The following MALRD1 variants were observed in gnomAD, a reference collection of about 807,000 sequenced individuals.
MALRD1 encodes the protein MAM and LDL-receptor class A domain-containing protein 1.
In MALRD1, 247 loss-of-function variants were observed where a neutral mutation model predicts 242.1. The observed-to-expected ratio is 1.02, with a 90% CI of 0.92 to 1.13. MALRD1 has a LOEUF of 1.13. MALRD1 is among the 50% of genes most tolerant of loss of function. MALRD1 has a pLI of 0.00. For missense variants in MALRD1, 2,989 were observed against 2,533.1 expected, an observed-to-expected ratio of 1.18 and a Z score of -3.86; for synonymous variants, 995 against 866.6, an observed-to-expected ratio of 1.15 and a Z score of -2.60.
chr10:19,237,823 A>C (rs1333528248), intron 18 of MALRD1, among the ~76,000 whole-genome samples: 3 of 117,322 alleles, frequency 2.6e-5, no homozygotes, highest in Non-Finnish European at 4.9e-5. Context: ...AGAATTTTAT[A>C]TGTAATTATA....
intron 32 of MALRD1, among the ~76,000 whole-genome samples, chr10:19,566,298 ATTTTTTTTT>A (rs10548629): frequency 1.1e-4 from 12 of 111,038 alleles, no homozygotes; most frequent in African/African-American, 2.3e-4. Context: ...TGCCTGGCTA[ATTTTTTTTT>A]TTTTTTTTTT....
In MALRD1 at chr10:19,254,031, TCTC is replaced by T. The variant is rs1320783093; in HGVS notation, c.2992-3650_2992-3648del. Among the ~76,000 whole-genome samples, 4 of 152,082 alleles carry T rather than the reference TCTC, an allele frequency of 2.6e-5. 1 individual carries two copies. The South Asian group carries it at 6.2e-4, about 24-fold the overall frequency. ...CCATGTGAAGAAGGACATGTTATCTTCTCCTTCTGCCACAATTGTAAGTTTCTT... is the reference window on the plus strand; with the variant it reads ...CCATGTGAAGAAGGACATGTTATCTTCTTCTGCCACAATTGTAAGTTTCTT... On this transcript the variant is annotated intron_variant, in intron 18 of 39. Transcript: ENST00000454679.
At chr10:19,535,086 A>G (rs1834602101) in intron 32 of MALRD1, among the ~76,000 whole-genome samples, 1 of 152,038 alleles carries the variant, frequency 6.6e-6, no homozygotes, top group Non-Finnish European at 1.5e-5. Context: ...GCGTTTCACC[A>G]TGTTGGCCAG....
At chr10:19,638,101 C>CAAAAAAAAAAA (rs56865342) in intron 36 of MALRD1, among the ~76,000 whole-genome samples, 15 of 41,922 alleles carry the variant, frequency 3.6e-4, no homozygotes, top group Admixed American at 1.1e-3. Flanking sequence ...AACTCACTCT[C>CAAAAAAAAAAA]AAAAAAAAAA....
chr10:19,048,541 G>A (rs1834395617), upstream of MALRD1, among the ~76,000 whole-genome samples: 1 of 152,210 alleles, frequency 6.6e-6, no homozygotes, highest in Non-Finnish European at 1.5e-5. Context: ...TAGGAATTAA[G>A]ACAGACCATT....
At chr10:19,609,978 G>C (rs1053103159) in intron 35 of MALRD1, among the ~76,000 whole-genome samples, 1 of 151,418 alleles carries the variant, frequency 6.6e-6, no homozygotes, top group Non-Finnish European at 1.5e-5. Context: ...TGATGATACA[G>C]CTTAATAAAG....
chr10:19,182,341 T>TA (rs1477721483), intron 14 of MALRD1, among the ~76,000 whole-genome samples: 1 of 145,248 alleles, frequency 6.9e-6, no homozygotes, highest in African/African-American at 2.5e-5. Flanking sequence ...TTTTTTTTTT[T>TA]TTTTTTTGAG....
rs529766815 is a variant in MALRD1 at position 19,607,915 on chromosome 10, C to A, written c.6070+13C>A. 3.8e-4 allele frequency: 592 copies of A among 1,548,688 alleles called. No individual in the cohort carries two copies. The highest frequency in any genetic ancestry group is 4.9e-4 in the Non-Finnish European group (564 of 1,146,068). ...TCCAGCTGCTCCGGTACCCCATTTC[C>A]ATTCAGATATTCTTGTGATATGAAC... is the stretch of plus-strand genomic sequence containing the variant. On this transcript the variant is annotated intron_variant, in intron 35 of 39. Coordinates refer to ENST00000454679, the MANE Select transcript of MALRD1 (RefSeq NM_001142308.3).
At chr10:19,642,639 A>T (rs1840445318) in intron 36 of MALRD1, among the ~76,000 whole-genome samples, 1 of 152,232 alleles carries the variant, frequency 6.6e-6, no homozygotes, top group Admixed American at 6.5e-5. Context: ...AATTAGAAAG[A>T]TCTGAAAGCA....
At chr10:19,376,540 T>C (rs1439875262) in intron 26 of MALRD1, among the ~76,000 whole-genome samples, 2 of 106,166 alleles carry the variant, frequency 1.9e-5, no homozygotes, top group African/African-American at 4.2e-5. Context: ...AGTTGATACA[T>C]TCTTTTTTTT....
At chr10:19,155,214 G>T in intron 12 of MALRD1, 42 bp downstream of exon 12, 1 of 1,104,318 alleles carries the variant, frequency 9.1e-7, no homozygotes, top group Non-Finnish European at 1.1e-6. Flanking sequence ...TTCTGCGGTT[G>T]TAAATCGCTG....
chr10:19,382,568 G>A (rs1845884860), intron 26 of MALRD1, among the ~76,000 whole-genome samples: 1 of 152,096 alleles, frequency 6.6e-6, no homozygotes, highest in South Asian at 2.1e-4. Context: ...TCATGTTTGA[G>A]TTTATGTAAT....
At chr10:19,139,718 C>T (rs1048778548) in intron 10 of MALRD1, among the ~76,000 whole-genome samples, 1 of 152,186 alleles carries the variant, frequency 6.6e-6, no homozygotes, top group Non-Finnish European at 1.5e-5. Context: ...TAAAAACGGC[C>T]TGTGGGTTTT....
intron 18 of MALRD1, among the ~76,000 whole-genome samples, chr10:19,248,323 A>G (rs78339891): frequency 0.011 from 1,742 of 151,918 alleles, 34 homozygotes; most frequent in African/African-American, 0.04. Context: ...GAAAACATTT[A>G]TTATTACAGA....
intron 28 of MALRD1, among the ~76,000 whole-genome samples, chr10:19,445,302 A>C (rs2483077): frequency 6.6e-6 from 1 of 152,018 alleles, no homozygotes; most frequent in South Asian, 2.1e-4. Flanking sequence ...TCTGAAGCTT[A>C]CTTCTGTCAA....
intron 29 of MALRD1, among the ~76,000 whole-genome samples, chr10:19,454,724 A>ACG (rs1554775430): frequency 7.3e-6 from 1 of 136,422 alleles, no homozygotes; most frequent in African/African-American, 2.7e-5. Context: ...ACACACACAC[A>ACG]CACACACACA....
At chr10:19,325,688 C>G (rs1453363717) in intron 22 of MALRD1, among the ~76,000 whole-genome samples, 1 of 152,112 alleles carries the variant, frequency 6.6e-6, no homozygotes, top group Non-Finnish European at 1.5e-5. Context: ...ATTGTATGTA[C>G]TATGAGCAGT....
chr10:19,235,611 A>C (rs1023007514), intron 18 of MALRD1, among the ~76,000 whole-genome samples: 1 of 141,664 alleles, frequency 7.1e-6, no homozygotes, highest in South Asian at 2.2e-4. Flanking sequence ...AGAGAGAGAG[A>C]GAGCGCCTAG....
At chr10:19,620,547 A>G (rs2040680912) in intron 36 of MALRD1, among the ~76,000 whole-genome samples, 1 of 151,668 alleles carries the variant, frequency 6.6e-6, no homozygotes, top group Non-Finnish European at 1.5e-5. Flanking sequence ...ATCTTTTGCA[A>G]TTGATTAATG....
Sources: allele counts gnomAD v4.1 joint callset (sites outside exome capture counted in the v4.1 genomes callset), GRCh38; gene constraint gnomAD v4.1.1; transcripts MANE v1.5; gene names NCBI Gene and HGNC (gene_info 2026-07-23, HGNC 2026-07-21).